EYS: variants seen among roughly 807,000 people sequenced by gnomAD.
The protein encoded by EYS is protein eyes shut homolog.
In EYS, 250 loss-of-function variants were observed where a neutral mutation model predicts 282.1. The observed-to-expected ratio is 0.89, with a 90% CI of 0.80 to 0.98. The LOEUF (loss-of-function observed/expected upper bound fraction) is 0.98. Ranked by LOEUF, EYS falls within the 50% of genes least tolerant of loss-of-function variation. EYS has a pLI of 0.00. For missense variants in EYS, 4,016 were observed against 3,709.0 expected, an observed-to-expected ratio of 1.08 and a Z score of -2.15; for synonymous variants, 1,355 against 1,282.9, an observed-to-expected ratio of 1.06 and a Z score of -1.20.
chr6:65,653,609 T>C (rs1767726618), intron 1 of EYS, among the ~76,000 whole-genome samples: 2 of 151,926 alleles, frequency 1.3e-5, no homozygotes, highest in South Asian at 2.1e-4. Context: ...TTCTGACTCA[T>C]GTAAGTCTTC....
At chr6:64,394,226 A>T (rs1277164711) in intron 28 of EYS, among the ~76,000 whole-genome samples, 1 of 152,216 alleles carries the variant, frequency 6.6e-6, no homozygotes, top group Non-Finnish European at 1.5e-5. Context: ...TTACAGATTC[A>T]TTGCCATCCC....
chr6:65,330,148 A>G, intron 11 of EYS: 1 of 980,832 alleles, frequency 1.0e-6, no homozygotes, highest in Non-Finnish European at 1.2e-6. Flanking sequence ...AAGAACCATG[A>G]GATGTGTTCT....
intron 6 of EYS, among the ~76,000 whole-genome samples, chr6:65,404,969 T>C (rs1414289590): frequency 2.0e-5 from 3 of 152,002 alleles, no homozygotes; most frequent in African/African-American, 7.2e-5. Flanking sequence ...ATTTATATTC[T>C]TTTAAAAGGG....
intron 12 of EYS, among the ~76,000 whole-genome samples, chr6:65,134,814 A>G (rs149799125): frequency 6.6e-6 from 1 of 152,058 alleles, no homozygotes; most frequent in Non-Finnish European, 1.5e-5. Context: ...GGCAAATTAC[A>G]TTGTGGGGCC....
At chr6:65,484,912 T>C (rs544535118) in intron 5 of EYS, among the ~76,000 whole-genome samples, 1 of 152,324 alleles carries the variant, frequency 6.6e-6, no homozygotes, top group South Asian at 2.1e-4. Context: ...TTTATGTTTG[T>C]CTATGGCTGC....
intron 13 of EYS, among the ~76,000 whole-genome samples, chr6:65,005,283 C>G (rs1348749601): frequency 6.8e-6 from 1 of 147,906 alleles, no homozygotes; most frequent in African/African-American, 2.4e-5. Flanking sequence ...TCATCCTAAT[C>G]GAGCTGAACG....
chr6:65,471,660 C>G (rs1276672533), intron 5 of EYS, among the ~76,000 whole-genome samples: 1 of 151,966 alleles, frequency 6.6e-6, no homozygotes, highest in African/African-American at 2.4e-5. Flanking sequence ...GAAAAATATT[C>G]CTTACTGTAA....
At chr6:65,115,515 G>T (rs1368805187) in intron 12 of EYS, among the ~76,000 whole-genome samples, 1 of 151,898 alleles carries the variant, frequency 6.6e-6, no homozygotes, top group South Asian at 2.1e-4. Flanking sequence ...TGAAAAAAAT[G>T]CCTGACACTA....
Position 64,591,785 on chromosome 6 carries a change from A to G in EYS, c.4082T>C (p.Ile1361Thr), listed in dbSNP as rs1402981553. Residue 1361 changes from isoleucine to threonine, a missense_variant, in exon 26 of 43, where the codon ATT becomes ACT. Coordinates refer to ENST00000503581, the MANE Select transcript of EYS (RefSeq NM_001142800.2). ...LNFGIRDPAQ[I>T]VQDKTSVSHM... ...TGATACCGATGTTTTGTCCTGGACA[A>G]TTTGTGCTGGGTCACGAATACCAAA... is the stretch of plus-strand genomic sequence containing the variant. The G allele has an allele frequency of 5.8e-6, 9 of 1,551,316 alleles. No individual in the cohort carries two copies. Among genetic ancestry groups the G allele is most frequent in the Non-Finnish European group, 7.0e-6 (8 of 1,146,742 alleles).
chr6:64,613,873 A>C (rs1767185082), intron 24 of EYS, among the ~76,000 whole-genome samples: 2 of 152,148 alleles, frequency 1.3e-5, no homozygotes, highest in Admixed American at 1.3e-4. Flanking sequence ...CTCCCAGAGC[A>C]TTCTGTTCCT....
chr6:65,598,760 G>A (rs1449563361), intron 2 of EYS, among the ~76,000 whole-genome samples: 1 of 152,034 alleles, frequency 6.6e-6, no homozygotes, highest in Non-Finnish European at 1.5e-5. Context: ...ATGGTAGTCA[G>A]GACACAGTAG....
intron 35 of EYS, among the ~76,000 whole-genome samples, chr6:63,949,154 C>T (rs1032994961): frequency 6.6e-6 from 1 of 152,156 alleles, no homozygotes; most frequent in Non-Finnish European, 1.5e-5. Context: ...AAATCAGACA[C>T]AGGTAGACAT....
chr6:63,953,465 T>A (rs564118132), intron 35 of EYS, among the ~76,000 whole-genome samples: 1 of 152,148 alleles, frequency 6.6e-6, no homozygotes, highest in Non-Finnish European at 1.5e-5. Context: ...CCTCATCTGT[T>A]ACGTATCTTG....
intron 12 of EYS, among the ~76,000 whole-genome samples, chr6:65,143,961 T>G (rs551314623): frequency 6.6e-6 from 1 of 152,208 alleles, no homozygotes; most frequent in South Asian, 2.1e-4. Flanking sequence ...AGTGAGTTCC[T>G]CAGTATTGGG....
chr6:64,421,814 A>AAG (rs1358864861), intron 28 of EYS, among the ~76,000 whole-genome samples: 4 of 151,254 alleles, frequency 2.6e-5, no homozygotes, highest in African/African-American at 9.7e-5. Context: ...GGGAGCGAAG[A>AAG]AGAGAGAGAG....
At chr6:64,259,003 C>A (rs1318227730) in intron 30 of EYS, among the ~76,000 whole-genome samples, 4 of 152,072 alleles carry the variant, frequency 2.6e-5, no homozygotes, top group African/African-American at 9.7e-5. Context: ...CTTCAGGGCA[C>A]TTGCCTTCTG....
At chr6:64,613,164 T>C (rs2149846100) in intron 24 of EYS, among the ~76,000 whole-genome samples, 1 of 152,270 alleles carries the variant, frequency 6.6e-6, no homozygotes, top group East Asian at 1.9e-4. Context: ...TTTTTAATTT[T>C]TTACATGTTA....
intron 29 of EYS, among the ~76,000 whole-genome samples, chr6:64,377,376 T>A (rs1429667073): frequency 6.6e-6 from 1 of 152,102 alleles, no homozygotes; most frequent in Non-Finnish European, 1.5e-5. Flanking sequence ...CCCAAAACAA[T>A]GGTTTGGGTA....
intron 35 of EYS, among the ~76,000 whole-genome samples, chr6:63,958,441 A>G (rs1441232709): frequency 1.3e-5 from 2 of 152,052 alleles, no homozygotes; most frequent in African/African-American, 4.8e-5. Context: ...TGTGGCCCCC[A>G]CAATGTTCAT....
Sources: allele counts gnomAD v4.1 joint callset (sites outside exome capture counted in the v4.1 genomes callset), GRCh38; gene constraint gnomAD v4.1.1; transcripts MANE v1.5; gene names NCBI Gene and HGNC (gene_info 2026-07-23, HGNC 2026-07-21).